The following SDK1 variants were observed in gnomAD, a reference collection of about 807,000 sequenced individuals.
SDK1 encodes the protein protein sidekick-1.
SDK1 carries 157 observed loss-of-function variants against 245.5 expected under a neutral mutation model. The ratio of observed to expected loss-of-function variants is 0.64; its 90% CI spans 0.56 to 0.73. The LOEUF is 0.73. Among genes scored for constraint, SDK1 ranks in the 30% least tolerant of loss-of-function variants. The pLI, the probability that SDK1 is intolerant of heterozygous loss-of-function variation, is 0.00. For synonymous variants in SDK1, 1,647 were observed against 1,278.5 expected (o/e 1.29, Z -6.15); for missense variants, 3,583 against 3,002.3 (o/e 1.19, Z -4.52).
intron 5 of SDK1, among the ~76,000 whole-genome samples, chr7:3,904,907 G>A (rs867429708): frequency 4.6e-5 from 7 of 151,776 alleles, no homozygotes; most frequent in Non-Finnish European, 1.5e-5. Context: ...GCAGGAGAAT[G>A]GCGTGAACCC....
rs1298129990 is a variant in SDK1, at chr7:3,886,703, C to A, written c.848-64220C>A. Among the ~76,000 whole-genome samples the A allele has an allele frequency of 2.0e-5, 3 of 152,180 alleles. No individual in the cohort carries two copies. The East Asian group carries it at 5.8e-4, about 29-fold the overall frequency. ...GCTGGGGCAAGAGGATTACTTAAAG[C>A]TACAAATTCGACACCAGCCTGAGAA... On this transcript the variant is annotated intron_variant, in intron 5 of 44. Transcript: ENST00000404826.
chr7:3,312,149 T>C (rs897558976), intron 1 of SDK1, among the ~76,000 whole-genome samples: 1 of 152,176 alleles, frequency 6.6e-6, no homozygotes, highest in Admixed American at 6.5e-5. Context: ...ACCTCATAAT[T>C]GGGGTGGATT....
chr7:3,502,008 A>C, intron 1 of SDK1, among the ~76,000 whole-genome samples: 1 of 152,176 alleles, frequency 6.6e-6, no homozygotes, highest in South Asian at 2.1e-4. Flanking sequence ...AGTGATAGGC[A>C]AACTTTTAAC....
intron 1 of SDK1, among the ~76,000 whole-genome samples, chr7:3,440,079 C>G (rs1583860670): frequency 6.6e-6 from 1 of 152,220 alleles, no homozygotes; most frequent in Non-Finnish European, 1.5e-5. Flanking sequence ...TTTCAGTCAC[C>G]TGTGGTCCGA....
intron 1 of SDK1, among the ~76,000 whole-genome samples, chr7:3,412,586 T>C (rs1417296823): frequency 6.6e-6 from 1 of 152,240 alleles, no homozygotes; most frequent in Admixed American, 6.5e-5. Context: ...AGCAGTCTTT[T>C]CCACGTGTCA....
chr7:3,965,408 G>GC (rs1782013105), intron 9 of SDK1, among the ~76,000 whole-genome samples: 1 of 152,166 alleles, frequency 6.6e-6, no homozygotes, highest in Non-Finnish European at 1.5e-5. Context: ...AGTGCCACCT[G>GC]CACTGTTACC....
intron 2 of SDK1, among the ~76,000 whole-genome samples, chr7:3,629,952 A>G (rs1782240156): frequency 6.6e-6 from 1 of 152,236 alleles, no homozygotes; most frequent in African/African-American, 2.4e-5. Context: ...AACACAAAAA[A>G]GGCAGAAATC....
chr7:3,790,805 C>G (rs1273583658), intron 4 of SDK1, among the ~76,000 whole-genome samples: 1 of 152,084 alleles, frequency 6.6e-6, no homozygotes, highest in Admixed American at 6.6e-5. Flanking sequence ...GCCAAAAACA[C>G]ACACACAAAA....
intron 4 of SDK1, among the ~76,000 whole-genome samples, chr7:3,653,323 G>C (rs769509650): frequency 5.9e-5 from 9 of 152,262 alleles, no homozygotes; most frequent in Middle Eastern, 6.8e-3. Context: ...TAGGCGTTCT[G>C]TTTTCTTGAA....
chr7:3,814,688 G>A (rs1412613678), intron 4 of SDK1, among the ~76,000 whole-genome samples: 33 of 151,894 alleles, frequency 2.2e-4, no homozygotes, highest in Middle Eastern at 3.4e-3. Flanking sequence ...CATTGAATCT[G>A]TAAATTACCT....
intron 17 of SDK1, among the ~76,000 whole-genome samples, chr7:4,029,109 GT>G (rs923461602): frequency 2.2e-5 from 2 of 90,868 alleles, no homozygotes; most frequent in African/African-American, 9.7e-5. Flanking sequence ...GTGGGTGGGG[GT>G]CACTGAATTG....
chr7:3,439,172 C>T (rs1350740117), intron 1 of SDK1, among the ~76,000 whole-genome samples: 2 of 152,058 alleles, frequency 1.3e-5, no homozygotes, highest in African/African-American at 4.8e-5. Flanking sequence ...ATTAATTATC[C>T]AACATCTCAA....
chr7:4,061,612 C>G (rs1779544009), intron 19 of SDK1, among the ~76,000 whole-genome samples: 1 of 152,088 alleles, frequency 6.6e-6, no homozygotes. Context: ...TACCATTTGA[C>G]CCAGCCATCC....
rs1013150204 is a variant in SDK1 at position 4,076,943 on chromosome 7, G to C, written c.3011-55G>C. 15 of 1,488,564 alleles carry C rather than the reference G, an allele frequency of 1.0e-5. No homozygotes were observed. The South Asian group carries it at 1.6e-4, about 16-fold the overall frequency. 92.2% of individuals were successfully genotyped at this position (1,488,564 alleles called of 1,614,324 possible). A position where few individuals can be genotyped will look rare whatever the true frequency, so the allele number is the denominator to read the frequency against. ...TGCAACGATGGTGCTGTGGAATTCA[G>C]GTGAGCCCTTGGCCTTCAGGAGACC... On this transcript the variant is annotated intron_variant, in intron 20 of 44. Transcript: ENST00000404826.
intron 22 of SDK1, among the ~76,000 whole-genome samples, chr7:4,101,885 C>T (rs1394743816): frequency 1.3e-5 from 2 of 152,028 alleles, no homozygotes; most frequent in African/African-American, 4.8e-5. Context: ...AGAGAAAGGG[C>T]CAGATGGGGA....
In SDK1 at chr7:3,963,878, A is replaced by G. The variant is rs189627488; in HGVS notation, c.1429+1027A>G. Among the ~76,000 whole-genome samples the G allele has an allele frequency of 6.6e-5, 10 of 151,936 alleles. No homozygotes were observed. In the East Asian group the frequency reaches 2.0e-3, roughly 30 times the overall value. Reference sequence around the variant, plus strand: ...TACACCTAAGCTCACGGCTACCCGGACATATCCAGTGGGTACACCCAGGCT... The same window carrying G: ...TACACCTAAGCTCACGGCTACCCGGGCATATCCAGTGGGTACACCCAGGCT... On this transcript the variant is annotated intron_variant, in intron 9 of 44. Transcript: ENST00000404826.
At chr7:3,711,304 A>G (rs1274599959) in intron 4 of SDK1, among the ~76,000 whole-genome samples, 2 of 152,198 alleles carry the variant, frequency 1.3e-5, no homozygotes, top group African/African-American at 4.8e-5. Context: ...TAGTTTTGTA[A>G]CTAAATATGT....
At chr7:3,840,010 A>G (rs1378172385) in intron 5 of SDK1, among the ~76,000 whole-genome samples, 1 of 152,242 alleles carries the variant, frequency 6.6e-6, no homozygotes, top group Non-Finnish European at 1.5e-5. Context: ...TTAAATGGTC[A>G]TTGGTAGGTA....
At chr7:4,074,905 T>C (rs1780546227) in intron 20 of SDK1, among the ~76,000 whole-genome samples, 2 of 88,110 alleles carry the variant, frequency 2.3e-5, no homozygotes, top group Non-Finnish European at 4.2e-5. Flanking sequence ...TATATATATA[T>C]ATATATATAT....
Sources: gnomAD v4.1 joint callset for allele counts (sites outside exome capture counted in the v4.1 genomes callset) on GRCh38, gnomAD v4.1.1 for gene constraint, MANE v1.5 for transcripts, NCBI Gene and HGNC (gene_info 2026-07-23, HGNC 2026-07-21) for gene names.